The following SBK1 variants were observed in gnomAD, a reference collection of about 807,000 sequenced individuals.
SBK1 encodes the protein serine/threonine-protein kinase SBK1.
SBK1 carries 11 observed loss-of-function variants against 24.4 expected under a neutral mutation model. That is an observed-to-expected ratio of 0.45 (90% confidence interval 0.28 to 0.75). The LOEUF is 0.75. Among genes scored for constraint, SBK1 ranks in the 30% least tolerant of loss-of-function variants. The probability of loss-of-function intolerance (pLI) is 0.12; values close to 1 mark genes in which losing one functional copy is unlikely to be tolerated. For synonymous variants in SBK1, 308 were observed against 284.4 expected (o/e 1.08, Z -0.83); for missense variants, 467 against 620.5 (o/e 0.75, Z 2.63).
At chr16:28,307,261 G>A (rs1377394624) in intron 1 of SBK1, among the ~76,000 whole-genome samples, 5 of 152,196 alleles carry the variant, frequency 3.3e-5, no homozygotes, top group Admixed American at 2.6e-4. Flanking sequence ...AATGTCCTAT[G>A]ACACAGAGAC....
chr16:28,294,495 C>A (rs186622577), intron 1 of SBK1, among the ~76,000 whole-genome samples: 4 of 152,324 alleles, frequency 2.6e-5, no homozygotes, highest in Admixed American at 2.6e-4. Context: ...CTGTGATGGA[C>A]CATGCGCTAG....
chr16:28,284,086 T>C (rs1157080193), intron 1 of SBK1, among the ~76,000 whole-genome samples: 1 of 152,168 alleles, frequency 6.6e-6, no homozygotes, highest in East Asian at 1.9e-4. Flanking sequence ...TTGCCCACGG[T>C]GGTGACTGAG....
chr16:28,293,390 G>C (rs1233062117), intron 1 of SBK1, 90 bp downstream of exon 1: 1 of 651,500 alleles, frequency 1.5e-6, no homozygotes, highest in Admixed American at 6.3e-5. Context: ...CGGGTTGCGC[G>C]CTCCCCCTTC....
chr16:28,273,772 G>A (rs1167781239), intron 1 of SBK1, among the ~76,000 whole-genome samples: 5 of 152,138 alleles, frequency 3.3e-5, no homozygotes, highest in African/African-American at 7.2e-5. Flanking sequence ...TGTTTTTGGT[G>A]TCTTATCTGC....
chr16:28,314,184 TCTCA>T (rs1230409571), intron 1 of SBK1, among the ~76,000 whole-genome samples: 3 of 151,644 alleles, frequency 2.0e-5, no homozygotes, highest in Non-Finnish European at 4.4e-5. Flanking sequence ...TTAGATAGGG[TCTCA>T]CTCTGTCATC....
intron 1 of SBK1, among the ~76,000 whole-genome samples, chr16:28,315,740 A>G (rs1047290158): frequency 6.6e-6 from 1 of 152,164 alleles, no homozygotes; most frequent in Non-Finnish European, 1.5e-5. Flanking sequence ...CAGCCTGGGC[A>G]ACAGAGCAAG....
chr16:28,262,598 C>T (rs1344249715), intron 1 of SBK1, among the ~76,000 whole-genome samples: 4 of 152,210 alleles, frequency 2.6e-5, no homozygotes, highest in South Asian at 2.1e-4. Context: ...AAACAACACA[C>T]GCTCGAACAG....
At chr16:28,266,018 G>A (rs759768015) in intron 1 of SBK1, among the ~76,000 whole-genome samples, 1 of 151,756 alleles carries the variant, frequency 6.6e-6, no homozygotes, top group Non-Finnish European at 1.5e-5. Flanking sequence ...CAGGTTTGAT[G>A]TGGTTAAAGA....
chr16:28,306,456 A>G (rs1394033460), intron 1 of SBK1, among the ~76,000 whole-genome samples: 1 of 152,236 alleles, frequency 6.6e-6, no homozygotes, highest in African/African-American at 2.4e-5. Context: ...CTTGCAAGCT[A>G]TTCGGGCTCA....
intron 1 of SBK1, among the ~76,000 whole-genome samples, chr16:28,278,137 C>T (rs542709607): frequency 1.3e-5 from 2 of 152,370 alleles, no homozygotes; most frequent in South Asian, 4.1e-4. Flanking sequence ...CGAATGGCCC[C>T]GCGAGAAGGG....
upstream of SBK1, among the ~76,000 whole-genome samples, chr16:28,289,745 C>T (rs1480112148): frequency 1.4e-5 from 2 of 143,140 alleles, no homozygotes; most frequent in African/African-American, 5.2e-5. Flanking sequence ...CCAGCCTGGG[C>T]AATAAGAGTG....
chr16:28,302,531 G>C (rs2044686168), intron 1 of SBK1, among the ~76,000 whole-genome samples: 1 of 152,182 alleles, frequency 6.6e-6, no homozygotes, highest in East Asian at 1.9e-4. Flanking sequence ...GGGAATTCAG[G>C]GGGCAGTTGT....
intron 1 of SBK1, among the ~76,000 whole-genome samples, chr16:28,313,181 CCTT>C (rs2044766153): frequency 1.3e-5 from 2 of 152,136 alleles, no homozygotes; most frequent in Admixed American, 6.6e-5. Context: ...TGTGGCCCCA[CCTT>C]CTCAGGAGGC....
chr16:28,272,435 AT>A, intron 1 of SBK1, among the ~76,000 whole-genome samples: 1 of 152,006 alleles, frequency 6.6e-6, no homozygotes, highest in Non-Finnish European at 1.5e-5. Context: ...CTGATGAGCT[AT>A]TCCCCAATTT....
chr16:28,275,549 C>T (rs901396295), intron 1 of SBK1, among the ~76,000 whole-genome samples: 4 of 151,912 alleles, frequency 2.6e-5, no homozygotes, highest in Non-Finnish European at 4.4e-5. Flanking sequence ...CAGGAGGAGA[C>T]GCCAGAGCCT....
intron 1 of SBK1, among the ~76,000 whole-genome samples, chr16:28,301,702 G>A (rs972075902): frequency 4.6e-5 from 7 of 152,336 alleles, no homozygotes; most frequent in Non-Finnish European, 8.8e-5. Context: ...TGAGAGGAAG[G>A]CCTTCCCCAG....
intron 1 of SBK1, among the ~76,000 whole-genome samples, chr16:28,281,077 T>G (rs1279336859): frequency 6.6e-6 from 1 of 152,098 alleles, no homozygotes; most frequent in Admixed American, 6.6e-5. Context: ...GGTGGTGTCC[T>G]CAGACAGACC....
At chr16:28,282,927 A>G (rs12923256) in intron 1 of SBK1, among the ~76,000 whole-genome samples, 83,510 of 146,758 alleles carry the variant, frequency 0.57, 23,901 homozygotes, top group Non-Finnish European at 0.61. Flanking sequence ...TTATTTATTT[A>G]TTTGTTTGTT....
chr16:28,320,768 C>T lies in SBK1; in HGVS notation c.1122C>T (p.Pro374=). 1 of 1,392,210 alleles carries T rather than the reference C, an allele frequency of 7.2e-7. No homozygotes were observed. The allele number at this position is 1,392,210 out of a possible 1,614,324, so 86.2% of individuals were successfully genotyped here. ...CGCCCCCCGCCGTCGGGTCGGTGCC[C>T]TTGCCCGTGCCGGTGCCGGTGCCAG... ...RPAPPAVGSV[P]LPVPVPVPVP... The change falls in exon 4 of 4, where the codon CCC becomes CCT. Residue 374 remains proline (P), a synonymous_variant. Transcript: ENST00000341901. This position sits in a 1 kb window ranked among gnomAD's most constrained non-coding sequence, Gnocchi z 8.5.
Sources: allele counts gnomAD v4.1 joint callset (sites outside exome capture counted in the v4.1 genomes callset), GRCh38; gene constraint gnomAD v4.1.1; non-coding constraint Gnocchi (gnomAD v3.1); transcripts MANE v1.5; gene names NCBI Gene and HGNC (gene_info 2026-07-23, HGNC 2026-07-21).